CTCFL: variants seen among roughly 807,000 people sequenced by gnomAD.
The protein encoded by CTCFL is transcriptional repressor CTCFL.
Under a neutral mutation model 67.4 loss-of-function variants are expected in CTCFL, and 36 were observed. The observed-to-expected ratio is 0.53, with a 90% CI of 0.41 to 0.71. The LOEUF (loss-of-function observed/expected upper bound fraction) is 0.71. CTCFL is among the 30% of genes least tolerant of loss of function. CTCFL has a pLI of 0.00. For synonymous variants in CTCFL, 324 were observed against 302.3 expected (o/e 1.07, Z -0.75); for missense variants, 786 against 835.2 (o/e 0.94, Z 0.73).
chr20:57,502,687 G>A (rs993183584), intron 10 of CTCFL, among the ~76,000 whole-genome samples: 19 of 152,140 alleles, frequency 1.2e-4, no homozygotes, highest in East Asian at 1.9e-4. Flanking sequence ...TTACAGCAGA[G>A]CCATTCACAG....
rs199637656 is a variant in CTCFL at position 57,519,244 on chromosome 20, C to A, written c.888G>T (p.Thr296=). ...TAACATGGTTCCGCAGCAGAGTGAC[C>A]GTACGGAAGGTTTTCAGGCAGAGGT... is the stretch of plus-strand genomic sequence containing the variant. ...LCHLCLKTFR[T]VTLLRNHVNT... The change falls in exon 4 of 11, where the codon ACG becomes ACT. Residue 296 remains threonine, a synonymous_variant. Coordinates refer to ENST00000243914, the MANE Select transcript of CTCFL (RefSeq NM_001386993.1). The A allele has an allele frequency of 6.2e-7, 1 of 1,614,054 alleles. No individual in the cohort carries two copies. The highest frequency in any genetic ancestry group is 8.5e-7 in the Non-Finnish European group (1 of 1,180,018).
chr20:57,514,323 G>A (rs1159717528), intron 7 of CTCFL, among the ~76,000 whole-genome samples: 1 of 152,182 alleles, frequency 6.6e-6, no homozygotes, highest in Non-Finnish European at 1.5e-5. Context: ...GCCCAATGTG[G>A]AATGAAGTAA....
At position 57,514,593 on chromosome 20, in the gene CTCFL, T is replaced by A; in HGVS notation, c.1329A>T (p.Leu443=). 1 of 1,614,148 alleles carries A rather than the reference T, an allele frequency of 6.2e-7. No homozygotes were observed. Among genetic ancestry groups the A allele is most frequent in the East Asian group, 2.2e-5 (1 of 44,894 alleles). Residue 443 remains leucine (L), a splice_region_variant and synonymous_variant, in exon 7 of 11, where the codon CTA becomes CTT. Coordinates refer to ENST00000243914, the MANE Select transcript of CTCFL (RefSeq NM_001386993.1). ...CATIIARKSD[L]RVHMRNLHAY... ...AAGAAAGATCGCTAAACCACTCACGTAGGTCGCTTTTCCGTGCAATGATGG... is the reference window on the plus strand; with the variant it reads ...AAGAAAGATCGCTAAACCACTCACGAAGGTCGCTTTTCCGTGCAATGATGG...
intron 3 of CTCFL, among the ~76,000 whole-genome samples, chr20:57,520,801 T>C (rs538780309): frequency 3.0e-4 from 46 of 152,324 alleles, no homozygotes; most frequent in Non-Finnish European, 5.9e-4. Context: ...CAAAAATACA[T>C]GAAGTCCTCA....
downstream of CTCFL, chr20:57,496,319 A>G (rs758138066): frequency 2.9e-6 from 2 of 686,528 alleles, no homozygotes; most frequent in Admixed American, 2.0e-5. Context: ...GCCTCCCCAG[A>G]AGCCAGGCAG....
chr20:57,523,607 C>T, intron 2 of CTCFL, 56 bp downstream of exon 2: 1 of 1,557,774 alleles, frequency 6.4e-7, no homozygotes. Context: ...TGCATAAAAG[C>T]CGACTTGAAT....
intron 9 of CTCFL, chr20:57,507,975 CTCTG>C (rs991809382): frequency 4.7e-6 from 3 of 643,152 alleles, no homozygotes; most frequent in Non-Finnish European, 8.4e-6. Flanking sequence ...CAGGGTCTCA[CTCTG>C]TCTTTGAGGC....
chr20:57,514,716 G>T lies in CTCFL; in HGVS notation c.1206C>A (p.Ile402=), dbSNP rs746756905. 8 of 1,614,050 alleles carry T rather than the reference G, an allele frequency of 5.0e-6. No homozygotes were observed. In the Admixed American group the frequency reaches 1.2e-4, roughly 24 times the overall value. ...CGCTCTGGGTGAAGCGGGTGTGGCA[G>T]ATGTGGCATTCGTAAGGCTTCTCAC... The part of the protein sequence containing the change: ...HSGEKPYECH[I]CHTRFTQSGT... The change falls in exon 7 of 11, where the codon ATC becomes ATA. Residue 402 remains isoleucine, a synonymous_variant. Coordinates refer to ENST00000243914, the MANE Select transcript of CTCFL (RefSeq NM_001386993.1).
In CTCFL at chr20:57,497,843, A is replaced by G. The variant is rs2067747613; in HGVS notation, c.*707T>C. On this transcript the variant is annotated 3_prime_UTR_variant, in exon 11 of 11. Coordinates refer to ENST00000243914, the MANE Select transcript of CTCFL (RefSeq NM_001386993.1). Reference sequence around the variant, plus strand: ...ATACCTGCCAAGGAGCATAATTAAAAGAGAATACAAAAATCTAAAGGTGAA... The same window carrying G: ...ATACCTGCCAAGGAGCATAATTAAAGGAGAATACAAAAATCTAAAGGTGAA... 1 of 985,212 alleles carries G rather than the reference A, an allele frequency of 1.0e-6. No homozygotes were observed. The highest frequency in any genetic ancestry group is 1.7e-5 in the African/African-American group (1 of 57,372). The allele number at this position is 985,212 out of a possible 1,614,324, so 61.0% of individuals were successfully genotyped here. A position where few individuals can be genotyped will look rare whatever the true frequency, so the allele number is the denominator to read the frequency against.
chr20:57,523,640 T>C (rs1047938061), intron 2 of CTCFL, 23 bp downstream of exon 2: 2 of 1,593,616 alleles, frequency 1.3e-6, no homozygotes, highest in African/African-American at 1.3e-5. Flanking sequence ...ATGTAAGGGG[T>C]TGTTTATTAA....
chr20:57,508,713 A>G lies in CTCFL; in HGVS notation c.1567T>C (p.Phe523Leu). Residue 523 changes from phenylalanine (F) to leucine (L), a missense_variant, in exon 9 of 11, where the codon TTC becomes CTC. Around this residue, in one of 3 missense-constraint regions of CTCFL, gnomAD observed 199 missense variants for 196.7 expected, o/e 1.01. Transcript: ENST00000243914. ...GCGTTTAGAAGTTGCTTCTGTCGGAAACATTTATTGCAAGAAAGGCAGGTG... is the reference window on the plus strand; with the variant it reads ...GCGTTTAGAAGTTGCTTCTGTCGGAGACATTTATTGCAAGAAAGGCAGGTG... ...PFTCLSCNKC[F>L]RQKQLLNAHF... is the part of the protein sequence containing the mutation. 1 of 1,614,180 alleles carries G rather than the reference A, an allele frequency of 6.2e-7. No homozygotes were observed. The highest frequency in any genetic ancestry group is 8.5e-7 in the Non-Finnish European group (1 of 1,180,028).
chr20:57,524,595 T>C lies in CTCFL; in HGVS notation c.-11-379A>G, dbSNP rs368343637. On this transcript the variant is annotated intron_variant, in intron 1 of 10. Coordinates refer to ENST00000243914, the MANE Select transcript of CTCFL (RefSeq NM_001386993.1). ...CAGTCAGTGAACATCCTGGGCCTAG[T>C]AAGGTTTGGGCCCAGCAGGCTCTCG... 7.4e-5 allele frequency: 76 copies of C among 1,031,226 alleles called. No individual in the cohort carries two copies. In the African/African-American group the frequency reaches 1.2e-3, roughly 16 times the overall value. 63.9% of individuals were successfully genotyped at this position (1,031,226 alleles called of 1,614,324 possible).
chr20:57,496,099 G>T, downstream of CTCFL: 2 of 400,868 alleles, frequency 5.0e-6, no homozygotes, highest in Non-Finnish European at 8.8e-6. Context: ...GTTGGAGGTG[G>T]GGCCTGGTAG....
intron 10 of CTCFL, among the ~76,000 whole-genome samples, chr20:57,502,942 A>G (rs934004652): frequency 6.6e-6 from 1 of 152,228 alleles, no homozygotes; most frequent in African/African-American, 2.4e-5. Flanking sequence ...AGCTAGGAAA[A>G]GACAGAGGCA....
chr20:57,516,526 G>A (rs1207021200), intron 5 of CTCFL, among the ~76,000 whole-genome samples: 1 of 152,066 alleles, frequency 6.6e-6, no homozygotes, highest in African/African-American at 2.4e-5. Flanking sequence ...AACAGAGTCA[G>A]ACCATGTCTC....
upstream of CTCFL, chr20:57,525,487 T>G (rs1600691740): frequency 3.6e-5 from 2 of 55,382 alleles, no homozygotes; most frequent in East Asian, 4.6e-4. Context: ...GGGGTTGAAG[T>G]GGATGAGGAA....
chr20:57,524,642 A>C (rs1442850855), intron 1 of CTCFL: 3 of 1,006,460 alleles, frequency 3.0e-6, no homozygotes, highest in East Asian at 1.0e-4. Flanking sequence ...TCCTGGGCCT[A>C]GCAAGTTTCA....
chr20:57,504,048 C>A (rs1220711242), intron 9 of CTCFL, among the ~76,000 whole-genome samples: 1 of 152,072 alleles, frequency 6.6e-6, no homozygotes, highest in Non-Finnish European at 1.5e-5. Flanking sequence ...GCCATCTCGG[C>A]TCACTGCAAG....
At chr20:57,506,770 AT>A in intron 9 of CTCFL, 1 of 983,770 alleles carries the variant, frequency 1.0e-6, no homozygotes, top group Non-Finnish European at 1.2e-6. Context: ...CTACATTTTT[AT>A]TTCTTGCACC....
Sources: gnomAD v4.1 joint callset for allele counts (sites outside exome capture counted in the v4.1 genomes callset) on GRCh38, gnomAD v4.1.1 for gene constraint, gnomAD v4.1.1 regional missense constraint, MANE v1.5 for transcripts, NCBI Gene and HGNC (gene_info 2026-07-23, HGNC 2026-07-21) for gene names.